Variants in RORA observed in about 807,000 individuals in gnomAD.
RORA encodes the protein nuclear receptor ROR-alpha.
A neutral mutation model predicts 69.5 loss-of-function variants in RORA; 7 were observed. The observed-to-expected ratio is 0.10, with a 90% CI of 0.06 to 0.19. The LOEUF (loss-of-function observed/expected upper bound fraction) is 0.19. RORA is among the 10% of genes least tolerant of loss of function. The probability of loss-of-function intolerance (pLI) is 1.00; values close to 1 mark genes in which losing one functional copy is unlikely to be tolerated. For missense variants in RORA, 457 were observed against 663.0 expected (o/e 0.69, Z 3.41); for synonymous variants, 261 against 240.8 (o/e 1.08, Z -0.78).
At chr15:60,499,733 A>G (rs2065272198) in intron 10 of RORA, among the ~76,000 whole-genome samples, 159 bp downstream of exon 10, 1 of 152,240 alleles carries the variant, frequency 6.6e-6, no homozygotes, top group South Asian at 2.1e-4. Flanking sequence ...CTGTGGCTCA[A>G]CAGAATTTTT....
At chr15:60,590,809 CCTCT>C (rs1443532552) in intron 2 of RORA, among the ~76,000 whole-genome samples, 3 of 152,130 alleles carry the variant, frequency 2.0e-5, no homozygotes, top group African/African-American at 4.8e-5. Context: ...CGGGAGGTTT[CCTCT>C]CTTTTACTTA....
intron 2 of RORA, among the ~76,000 whole-genome samples, chr15:60,665,265 T>C (rs2070363111): frequency 6.6e-6 from 1 of 152,244 alleles, no homozygotes; most frequent in Non-Finnish European, 1.5e-5. Context: ...ACACCCTTCA[T>C]TCTTGGAAAG....
chr15:61,207,269 G>A (rs2079951081), intron 1 of RORA, among the ~76,000 whole-genome samples: 1 of 152,168 alleles, frequency 6.6e-6, no homozygotes, highest in South Asian at 2.1e-4. Context: ...AAATGGAATA[G>A]ACTTTCTCCT....
intron 1 of RORA, among the ~76,000 whole-genome samples, chr15:60,998,939 C>T (rs548268152): frequency 1.3e-5 from 2 of 152,290 alleles, no homozygotes; most frequent in South Asian, 4.1e-4. Context: ...CGCTCAGTGA[C>T]AGGGAGGTCT....
At position 60,646,586 on chromosome 15, in the gene RORA, C is replaced by T. The variant is rs1039129390; in HGVS notation, c.196+32071G>A. Among the ~76,000 whole-genome samples, 3 of 152,184 alleles carry T rather than the reference C, an allele frequency of 2.0e-5. No homozygotes were observed. The South Asian group carries it at 6.2e-4, about 32-fold the overall frequency. On this transcript the variant is annotated intron_variant, in intron 2 of 10. Transcript: ENST00000335670. Reference sequence around the variant, plus strand: ...CTTCAGAAAGACCAGACTTCCAAGCCCCCGAATGGTGGCACCACTGTCCCC... The same window carrying T: ...CTTCAGAAAGACCAGACTTCCAAGCTCCCGAATGGTGGCACCACTGTCCCC...
At chr15:60,516,163 ATATATATATT>A (rs1722513762) in intron 3 of RORA, among the ~76,000 whole-genome samples, 13 of 30,876 alleles carry the variant, frequency 4.2e-4, no homozygotes, top group South Asian at 1.8e-3. Context: ...ATATATATTT[ATATATATATT>A]TATATATATA....
In RORA at chr15:60,511,726, A is replaced by G. The variant is rs1202279782; in HGVS notation, c.425-105T>C. The G allele has an allele frequency of 8.2e-7, 1 of 1,224,754 alleles. No individual in the cohort carries two copies. Among genetic ancestry groups the G allele is most frequent in the Non-Finnish European group, 1.1e-6 (1 of 897,510 alleles). 75.9% of individuals were successfully genotyped at this position (1,224,754 alleles called of 1,614,324 possible). Reference sequence around the variant, plus strand: ...TTGAAGTCTCACACAATCTCAATCCAAAACTGCATGACCACAAAATAAGGA... The same window carrying G: ...TTGAAGTCTCACACAATCTCAATCCGAAACTGCATGACCACAAAATAAGGA... On this transcript the variant is annotated intron_variant, in intron 4 of 10. Transcript: ENST00000335670. This position sits in a 1 kb window ranked among gnomAD's most constrained non-coding sequence, Gnocchi z 6.4.
chr15:60,876,024 C>T (rs1048770884), intron 1 of RORA, among the ~76,000 whole-genome samples: 7 of 152,118 alleles, frequency 4.6e-5, no homozygotes, highest in African/African-American at 1.4e-4. Flanking sequence ...AGTTGTTCAG[C>T]GTATTTAATG....
At position 60,502,756 on chromosome 15, in the gene RORA, T is replaced by C. The variant is rs1436172712; in HGVS notation, c.1183+4A>G. On this transcript the variant is annotated splice_donor_region_variant and intron_variant, in intron 8 of 10. Transcript: ENST00000335670. ...GAAGAAAAGGCACCTTGATATCCCC[T>C]TACCTAAGGATTTGAAGACGTCGGG... is the stretch of plus-strand genomic sequence containing the variant. 1 of 1,586,748 alleles carries C rather than the reference T, an allele frequency of 6.3e-7. No homozygotes were observed. The highest frequency in any genetic ancestry group is 1.7e-5 in the Admixed American group (1 of 59,960).
intron 2 of RORA, chr15:60,614,750 C>G (rs2069185315): frequency 1.5e-6 from 1 of 678,998 alleles, no homozygotes; most frequent in Admixed American, 3.0e-5. Flanking sequence ...ATCTAAAACT[C>G]AGTTTTCTCA....
intron 1 of RORA, among the ~76,000 whole-genome samples, chr15:60,974,914 G>C (rs1267349567): frequency 3.3e-5 from 5 of 152,210 alleles, no homozygotes; most frequent in Non-Finnish European, 5.9e-5. Flanking sequence ...AAGAGGATGG[G>C]GAAAGGCTGG....
At chr15:60,887,002 C>A (rs2073758395) in intron 1 of RORA, among the ~76,000 whole-genome samples, 1 of 152,160 alleles carries the variant, frequency 6.6e-6, no homozygotes, top group African/African-American at 2.4e-5. Context: ...TGCTCCTCGG[C>A]TACAAGATCG....
intron 2 of RORA, among the ~76,000 whole-genome samples, chr15:60,552,204 A>G (rs1306491515): frequency 6.6e-6 from 1 of 152,232 alleles, no homozygotes; most frequent in East Asian, 1.9e-4. Context: ...CACTGAAATT[A>G]CACCATGTCT....
intron 1 of RORA, among the ~76,000 whole-genome samples, chr15:60,721,376 A>G (rs1457847381): frequency 1.3e-5 from 2 of 152,240 alleles, no homozygotes; most frequent in Non-Finnish European, 2.9e-5. Flanking sequence ...ACAAATAGAT[A>G]AGAGGAAATT....
At chr15:61,218,674 TCACACACA>T (rs3054672) in intron 1 of RORA, among the ~76,000 whole-genome samples, 87 of 142,946 alleles carry the variant, frequency 6.1e-4, no homozygotes, top group East Asian at 1.9e-3. Context: ...CTAATATAAC[TCACACACA>T]CACACACACA....
intron 2 of RORA, among the ~76,000 whole-genome samples, chr15:60,577,582 T>G (rs2068062325): frequency 6.7e-6 from 1 of 149,060 alleles, no homozygotes; most frequent in Non-Finnish European, 1.5e-5. Context: ...AGGTGGAGGT[T>G]GCAGCAAGCC....
intron 1 of RORA, among the ~76,000 whole-genome samples, chr15:61,043,326 C>T (rs550096006): frequency 5.1e-4 from 77 of 152,274 alleles, no homozygotes; most frequent in Non-Finnish European, 1.1e-3. Flanking sequence ...TGGAGAGATC[C>T]ATGCCTCCCA....
intron 1 of RORA, among the ~76,000 whole-genome samples, chr15:61,188,734 A>C (rs1236923499): frequency 3.3e-5 from 5 of 152,214 alleles, no homozygotes; most frequent in African/African-American, 1.2e-4. Context: ...AGGGCAGGTG[A>C]TAAAAGTGGC....
chr15:61,110,524 A>AT (rs539325618), intron 1 of RORA, among the ~76,000 whole-genome samples: 54 of 152,036 alleles, frequency 3.6e-4, no homozygotes, highest in Middle Eastern at 6.8e-3. Flanking sequence ...GTGTACTCTT[A>AT]TTTTTTTTAA....
Sources: allele counts gnomAD v4.1 joint callset (sites outside exome capture counted in the v4.1 genomes callset), GRCh38; gene constraint gnomAD v4.1.1; non-coding constraint Gnocchi (gnomAD v3.1); transcripts MANE v1.5; gene names NCBI Gene and HGNC (gene_info 2026-07-23, HGNC 2026-07-21).